FAT2: variants seen among roughly 807,000 people sequenced by gnomAD.
FAT2 encodes the protein protocadherin Fat 2.
A neutral mutation model predicts 295.3 loss-of-function variants in FAT2; 150 were observed. The ratio of observed to expected loss-of-function variants is 0.51; its 90% CI spans 0.44 to 0.58. The LOEUF (loss-of-function observed/expected upper bound fraction) is 0.58. Among genes scored for constraint, FAT2 ranks in the 20% least tolerant of loss-of-function variants. FAT2 has a pLI of 0.00. For synonymous variants in FAT2, 2,026 were observed against 2,150.3 expected, an observed-to-expected ratio of 0.94 and a Z score of 1.60; for missense variants, 4,868 against 5,442.7, an observed-to-expected ratio of 0.89 and a Z score of 3.32.
At chr5:151,511,065 G>A in intron 21 of FAT2, 1 of 152,700 alleles carries the variant, frequency 6.5e-6, no homozygotes, top group Non-Finnish European at 1.5e-5. Flanking sequence ...CCCGGCTCCT[G>A]CTGGAAGGTG....
intron 9 of FAT2, 121 bp downstream of exon 9, chr5:151,549,174 T>C (rs552397183): frequency 5.8e-6 from 5 of 862,440 alleles, no homozygotes; most frequent in Non-Finnish European, 9.0e-6. Flanking sequence ...TCTAGAATTA[T>C]TGTTTGCCAA....
intron 18 of FAT2, among the ~76,000 whole-genome samples, chr5:151,523,012 T>G (rs537572967): frequency 6.6e-6 from 1 of 152,316 alleles, no homozygotes; most frequent in East Asian, 1.9e-4. Flanking sequence ...CTGCCTGACT[T>G]AGAAAGGACA....
rs763619351 is a variant in FAT2 at position 151,512,423 on chromosome 5, G to C, written c.11647C>G (p.Arg3883Gly). The C allele has an allele frequency of 6.8e-6, 11 of 1,614,254 alleles. No homozygotes were observed. The highest frequency in any genetic ancestry group is 9.3e-6 in the Non-Finnish European group (11 of 1,180,048). Residue 3883 changes from arginine to glycine, a missense_variant, in exon 21 of 24, where the codon CGT (arginine) becomes GGT (glycine). Arg to Gly is a moderately radical substitution (Grantham distance 125). This residue lies in a region of FAT2 where 1,046 missense variants were observed against 1,210.1 expected (regional missense o/e 0.86). Transcript: ENST00000261800. This position sits in a 1 kb window ranked among gnomAD's most constrained non-coding sequence, Gnocchi z 4.1. Reference protein sequence around the residue: ...NTSLVVPENCRGLRPERHLLL... With the variant: ...NTSLVVPENCGGLRPERHLLL... ...AGGTGCCTTTCGGGCCTCAGACCAC[G>C]GCAGTTCTCTGGGACCACAAGGGAG... is the stretch of plus-strand genomic sequence containing the variant.
Position 151,543,251 on chromosome 5 carries a change from G to T in FAT2, c.7876C>A (p.Pro2626Thr). The change falls in exon 10 of 24, where the codon CCA (proline) becomes ACA (threonine). Residue 2626 changes from proline to threonine, a missense_variant. By Grantham distance (38) the Pro-to-Thr change is conservative. Coordinates refer to ENST00000261800, the MANE Select transcript of FAT2 (RefSeq NM_001447.3). Reference protein sequence around the residue: ...QNADVTYSVNPEDLVKDVIEI... With the variant: ...QNADVTYSVNTEDLVKDVIEI... The stretch of plus-strand genomic sequence containing the variant: ...ATGACATCTTTAACTAGGTCCTCTG[G>T]GTTCACTGAGTAGGTGACATCTGCG... 6.2e-7 allele frequency: 1 copy of T among 1,614,120 alleles called. No individual in the cohort carries two copies. The highest frequency in any genetic ancestry group is 1.6e-4 in the Middle Eastern group (1 of 6,062).
rs1316887090 is a variant in FAT2, at chr5:151,531,221, C to T, written c.9811+366G>A. ...AGCCTTGTCCAGGGTTGCTTAAGCC[C>T]CAGATTCCAGCAAGGGCTCCCTGCC... is the stretch of plus-strand genomic sequence containing the variant. On this transcript the variant is annotated intron_variant, in intron 14 of 23. Transcript: ENST00000261800. The surrounding 1 kb of genome is among the most constrained non-coding windows in gnomAD (Gnocchi z 5.7). Among the ~76,000 whole-genome samples the T allele has an allele frequency of 6.6e-6, 1 of 152,134 alleles. No individual in the cohort carries two copies. Among genetic ancestry groups the T allele is most frequent in the African/African-American group, 2.4e-5 (1 of 41,418 alleles).
Position 151,546,237 on chromosome 5 carries a change from C to G in FAT2, c.4890G>C (p.Val1630=), listed in dbSNP as rs748771863. The change falls in exon 10 of 24, where the codon GTG becomes GTC. Residue 1630 remains valine (V), a synonymous_variant. Coordinates refer to ENST00000261800, the MANE Select transcript of FAT2 (RefSeq NM_001447.3). The part of the protein sequence containing the change: ...QANHAPHTLT[V]KAEDQGSPQW... ...GTGGGGAGCCTTGATCTTCTGCCTT[C>G]ACTGTCAGAGTATGTGGGGCATGAT... 3 of 1,614,168 alleles carry G rather than the reference C, an allele frequency of 1.9e-6. No homozygotes were observed. The Admixed American group carries it at 5.0e-5, about 27-fold the overall frequency.
rs1331585852 is a variant in FAT2, at chr5:151,563,510, G to A, written c.3389C>T (p.Ala1130Val). ...GGACATCTGGGGTGGGTTGTCATTG[G>A]CATCCGTAACCTCGATGTAGACTTC... ...VTEVYIEVTD[A>V]NDNPPQMSQA... The change falls in exon 3 of 24, where the codon GCC becomes GTC. Residue 1130 changes from alanine to valine, a missense_variant. By Grantham distance (64) the Ala-to-Val change is moderately conservative. Transcript: ENST00000261800. 3 of 1,614,148 alleles carry A rather than the reference G, an allele frequency of 1.9e-6. No individual in the cohort carries two copies. The highest frequency in any genetic ancestry group is 1.1e-5 in the South Asian group (1 of 91,076).
intron 12 of FAT2, among the ~76,000 whole-genome samples, chr5:151,535,741 G>C (rs939447457): frequency 6.6e-6 from 1 of 152,314 alleles, no homozygotes; most frequent in South Asian, 2.1e-4. Context: ...TCTGGGTAAG[G>C]GGGTAGAGTC....
At chr5:151,519,121 A>C (rs920648391) in intron 19 of FAT2, among the ~76,000 whole-genome samples, 1 of 152,244 alleles carries the variant, frequency 6.6e-6, no homozygotes, top group Non-Finnish European at 1.5e-5. Context: ...AGACAGGCAG[A>C]TCACCTGAGG....
chr5:151,566,517 C>T lies in FAT2; in HGVS notation c.2415G>A (p.Leu805=), dbSNP rs2127646210. The change falls in exon 2 of 24, where the codon CTG becomes CTA. Residue 805 remains leucine, a synonymous_variant. Coordinates refer to ENST00000261800, the MANE Select transcript of FAT2 (RefSeq NM_001447.3). Reference sequence around the variant, plus strand: ...TCCAGTCTTTCACATTCACTGTCAGCAGCTTCCAGGAGGACTTCTGGGGTG... The same window carrying T: ...TCCAGTCTTTCACATTCACTGTCAGTAGCTTCCAGGAGGACTTCTGGGGTG... ...LGTPQKSSWK[L]LTVNVKDWND... is the part of the protein sequence containing the mutation. 6.2e-7 allele frequency: 1 copy of T among 1,614,056 alleles called. No individual in the cohort carries two copies. Among genetic ancestry groups the T allele is most frequent in the Non-Finnish European group, 8.5e-7 (1 of 1,179,996 alleles).
chr5:151,507,722 C>T (rs1421835256), intron 22 of FAT2, 111 bp from the exon 23 acceptor site: 6 of 962,804 alleles, frequency 6.2e-6, no homozygotes, highest in Admixed American at 3.0e-5. Context: ...TACCATCTCC[C>T]GTTTTTCACC....
Position 151,525,886 on chromosome 5 carries a change from G to A in FAT2, c.10388C>T (p.Ser3463Leu), listed in dbSNP as rs758888520. The change falls in exon 18 of 24, where the codon TCG (serine) becomes TTG (leucine). Residue 3463 changes from serine to leucine, a missense_variant. Ser to Leu is a moderately radical substitution (Grantham distance 145). Transcript: ENST00000261800. ...GTTGTTCCCCTTGGTGATTCGAAAC[G>A]AGTAGGGGGGGCCATTCTCTGGAGA... ...PDSPENGPPY[S>L]FRITKGNNGS... 98 of 1,614,082 alleles carry A rather than the reference G, an allele frequency of 6.1e-5. No individual in the cohort carries two copies. The highest frequency in any genetic ancestry group is 1.6e-4 in the Middle Eastern group (1 of 6,084).
chr5:151,563,332 A>C lies in FAT2; in HGVS notation c.3567T>G (p.Pro1189=). 2.5e-6 allele frequency: 4 copies of C among 1,613,902 alleles called. No individual in the cohort carries two copies. The highest frequency in any genetic ancestry group is 3.4e-6 in the Non-Finnish European group (4 of 1,179,888). Residue 1189 remains proline, a synonymous_variant, in exon 3 of 24, where the codon CCT becomes CCG. Coordinates refer to ENST00000261800, the MANE Select transcript of FAT2 (RefSeq NM_001447.3). ...AGCTTTTTGGATCCTTACCTGTAACAGGGTGAATCATAAAGAATCCCATGT... is the reference window on the plus strand; with the variant it reads ...AGCTTTTTGGATCCTTACCTGTAACCGGGTGAATCATAAAGAATCCCATGT... ...GNYMGFFMIH[P]VTGLLSTAQQ...
At position 151,540,683 on chromosome 5, in the gene FAT2, C is replaced by T. The variant is rs1285926442; in HGVS notation, c.8923G>A (p.Glu2975Lys). 10 of 1,614,108 alleles carry T rather than the reference C, an allele frequency of 6.2e-6. No individual in the cohort carries two copies. The highest frequency in any genetic ancestry group is 1.6e-4 in the Middle Eastern group (1 of 6,082). The change falls in exon 11 of 24, where the codon GAG becomes AAG. Residue 2975 changes from glutamate to lysine, a missense_variant. This residue lies in a region of FAT2 where 3,297 missense variants were observed against 3,669.4 expected (regional missense o/e 0.90). Coordinates refer to ENST00000261800, the MANE Select transcript of FAT2 (RefSeq NM_001447.3). ...CTGAGCAAGTACTTGGCTGTATGCT[C>T]GCGGTCCAGGGTCTTCCTTGAGGAA... ...RISSRKTLDR[E>K]HTAKYLLRVT... is the part of the protein sequence containing the mutation.
At position 151,567,674 on chromosome 5, in the gene FAT2, G is replaced by A. The variant is rs2127648443; in HGVS notation, c.1258C>T (p.Leu420Phe). 6.2e-7 allele frequency: 1 copy of A among 1,614,200 alleles called. No homozygotes were observed. Among genetic ancestry groups the A allele is most frequent in the Non-Finnish European group, 8.5e-7 (1 of 1,180,026 alleles). Residue 420 changes from leucine to phenylalanine, a missense_variant, in exon 2 of 24, where the codon CTC becomes TTC. This residue lies in a region of FAT2 where 3,297 missense variants were observed against 3,669.4 expected (regional missense o/e 0.90). Coordinates refer to ENST00000261800, the MANE Select transcript of FAT2 (RefSeq NM_001447.3). The part of the protein sequence containing the change: ...ARTGLITTTK[L>F]MDFHDRAHYQ... ...TGGGCTCTGTCGTGGAAGTCCATGAGCTTTGTGGTGGTGATCAACCCAGTT... is the reference window on the plus strand; with the variant it reads ...TGGGCTCTGTCGTGGAAGTCCATGAACTTTGTGGTGGTGATCAACCCAGTT...
rs1756544917 is a variant in FAT2 at position 151,545,605 on chromosome 5, T to G, written c.5522A>C (p.Tyr1841Ser). ...ESMPSFQFCV[Y>S]VHDQGSPVLF... ...TACAGGGCTTCCTTGGTCATGGACA[T>G]AGACACAGAATTGGAAAGAGGGCAT... Residue 1841 changes from tyrosine (Y) to serine (S), a missense_variant, in exon 10 of 24, where the codon TAT becomes TCT. Coordinates refer to ENST00000261800, the MANE Select transcript of FAT2 (RefSeq NM_001447.3). The G allele has an allele frequency of 4.3e-6, 7 of 1,614,098 alleles. No homozygotes were observed. The highest frequency in any genetic ancestry group is 5.9e-6 in the Non-Finnish European group (7 of 1,179,966).
chr5:151,514,150 C>T (rs866984238), intron 20 of FAT2, among the ~76,000 whole-genome samples: 7 of 152,124 alleles, frequency 4.6e-5, no homozygotes, highest in Admixed American at 2.0e-4. Context: ...TTGAATACTA[C>T]CTATACCTTT....
chr5:151,509,358 G>A (rs1016480151), intron 22 of FAT2: 2 of 152,264 alleles, frequency 1.3e-5, no homozygotes, highest in Non-Finnish European at 2.9e-5. Flanking sequence ...TGTAATGCAG[G>A]TGGTTAGAGA....
intron 3 of FAT2, among the ~76,000 whole-genome samples, chr5:151,562,366 T>C (rs1450608412): frequency 6.6e-6 from 1 of 152,060 alleles, no homozygotes; most frequent in African/African-American, 2.4e-5. Flanking sequence ...TTCTCTACAA[T>C]AGGATTGTTG....
Sources: gnomAD v4.1 joint callset for allele counts (sites outside exome capture counted in the v4.1 genomes callset) on GRCh38, gnomAD v4.1.1 for gene constraint, gnomAD v4.1.1 regional missense constraint, Gnocchi (gnomAD v3.1) non-coding constraint, MANE v1.5 for transcripts, NCBI Gene and HGNC (gene_info 2026-07-23, HGNC 2026-07-21) for gene names.